Variants in WDPCP observed in about 807,000 individuals in gnomAD.
WDPCP encodes WD repeat containing planar cell polarity effector.
WDPCP carries 71 observed loss-of-function variants against 93.1 expected under a neutral mutation model. That is an observed-to-expected ratio of 0.76 (90% CI 0.63 to 0.93). WDPCP has a LOEUF of 0.93. Ranked by LOEUF, WDPCP falls within the 40% of genes least tolerant of loss-of-function variation. WDPCP has a pLI of 0.00. For synonymous variants in WDPCP, 315 were observed against 315.0 expected (o/e 1.00, Z 0.00); for missense variants, 844 against 887.4 (o/e 0.95, Z 0.62).
chr2:63,294,321 G>GC (rs889249302), intron 13 of WDPCP, among the ~76,000 whole-genome samples: 1 of 56 alleles, frequency 0.018, no homozygotes, highest in Non-Finnish European at 0.029. Context: ...CTGGCCAACA[G>GC]GGGAAACCCC....
In WDPCP at chr2:63,801,972, G is replaced by A. The variant is rs959328216; in HGVS notation, n.308+11650C>T. On this transcript the variant is annotated intron_variant and non_coding_transcript_variant, in intron 2 of 4. Coordinates refer to the WDPCP transcript ENST00000467687. ...ATGCAGTCCATAAAGTCAAGCAAGG[G>A]AAAGCAAGTCCATAAAGTCAAGAGG... Among the ~76,000 whole-genome samples the A allele has an allele frequency of 3.1e-4, 47 of 152,210 alleles. 1 individual carries two copies. Among genetic ancestry groups the A allele is most frequent in the Non-Finnish European group, 5.9e-4 (40 of 68,014 alleles).
chr2:63,280,725 A>C (rs900400698), intron 13 of WDPCP, among the ~76,000 whole-genome samples: 2 of 152,200 alleles, frequency 1.3e-5, no homozygotes, highest in Admixed American at 6.5e-5. Flanking sequence ...ACATAAAGTG[A>C]GGAAAGGACA....
At chr2:63,331,975 GTCATT>G (rs989007930) in intron 12 of WDPCP, among the ~76,000 whole-genome samples, 2 of 151,688 alleles carry the variant, frequency 1.3e-5, no homozygotes, top group African/African-American at 4.8e-5. Context: ...CCAACTGGTG[GTCATT>G]TGAGATGTTC....
chr2:63,422,074 C>T (rs1695906597), intron 9 of WDPCP, among the ~76,000 whole-genome samples: 1 of 152,054 alleles, frequency 6.6e-6, no homozygotes, highest in Admixed American at 6.6e-5. Context: ...AATAATCAAC[C>T]CAAAAACAAC....
intron 3 of WDPCP, among the ~76,000 whole-genome samples, chr2:63,613,579 T>C (rs1318361203): frequency 6.6e-6 from 1 of 152,210 alleles, no homozygotes; most frequent in Non-Finnish European, 1.5e-5. Context: ...CCCCAGATGC[T>C]AGCTGTTAGA....
intron 14 of WDPCP, among the ~76,000 whole-genome samples, chr2:63,236,054 T>G (rs1318652665): frequency 1.3e-5 from 2 of 152,180 alleles, no homozygotes; most frequent in African/African-American, 2.4e-5. Flanking sequence ...CTCTCTTTGC[T>G]GATAATATGA....
chr2:63,397,992 G>A (rs1693867120), intron 10 of WDPCP, among the ~76,000 whole-genome samples: 1 of 152,124 alleles, frequency 6.6e-6, no homozygotes, highest in African/African-American at 2.4e-5. Context: ...GATGGGGCCG[G>A]GGAGGGTGAC....
chr2:63,766,767 TAACA>T (rs1370657601), intron 2 of WDPCP, among the ~76,000 whole-genome samples: 12 of 152,132 alleles, frequency 7.9e-5, no homozygotes, highest in Non-Finnish European at 1.6e-4. Context: ...TTTACCATCT[TAACA>T]ATTTTAAGTA....
intron 9 of WDPCP, among the ~76,000 whole-genome samples, chr2:63,413,273 A>C (rs1695155947): frequency 6.6e-6 from 1 of 152,242 alleles, no homozygotes; most frequent in Non-Finnish European, 1.5e-5. Context: ...CAGTGGGAAA[A>C]GGACACCCTA....
At chr2:63,647,793 T>A (rs998411280) in intron 3 of WDPCP, among the ~76,000 whole-genome samples, 2 of 149,292 alleles carry the variant, frequency 1.3e-5, no homozygotes, top group Non-Finnish European at 3.0e-5. Context: ...TGTATTATCA[T>A]TTTTTTTTTA....
intron 12 of WDPCP, among the ~76,000 whole-genome samples, chr2:63,318,700 G>A (rs1025925771): frequency 3.3e-5 from 5 of 152,094 alleles, no homozygotes; most frequent in Non-Finnish European, 5.9e-5. Flanking sequence ...TCTTATAAGT[G>A]GGAACTAAAC....
chr2:63,812,621 C>T (rs1288035601), intron 2 of WDPCP, among the ~76,000 whole-genome samples: 1 of 152,126 alleles, frequency 6.6e-6, no homozygotes, highest in African/African-American at 2.4e-5. Context: ...CCTGTCCACA[C>T]TTTGCAGCCT....
At chr2:63,688,111 T>C (rs1313723572) in intron 2 of WDPCP, among the ~76,000 whole-genome samples, 1 of 152,176 alleles carries the variant, frequency 6.6e-6, no homozygotes, top group Non-Finnish European at 1.5e-5. Context: ...CACATGTTCT[T>C]ATTTATCTGT....
At chr2:63,313,371 CT>C (rs1172198255) in intron 12 of WDPCP, 60 bp from the exon 13 acceptor site, 1 of 1,494,076 alleles carries the variant, frequency 6.7e-7, no homozygotes, top group East Asian at 2.4e-5. Context: ...AAGAAAAGAG[CT>C]GTTTATTTAA....
chr2:63,479,259 T>G (rs1477832782), intron 6 of WDPCP, among the ~76,000 whole-genome samples: 2 of 152,208 alleles, frequency 1.3e-5, no homozygotes, highest in South Asian at 2.1e-4. Context: ...CTATCAGATA[T>G]TCAAAGAAGA....
chr2:63,649,363 G>A (rs1710085022), intron 3 of WDPCP, among the ~76,000 whole-genome samples: 1 of 152,138 alleles, frequency 6.6e-6, no homozygotes, highest in South Asian at 2.1e-4. Flanking sequence ...CACTTATGTG[G>A]TAACATGTAA....
At chr2:63,669,327 G>A (rs532849827) in intron 2 of WDPCP, among the ~76,000 whole-genome samples, 6 of 151,652 alleles carry the variant, frequency 4.0e-5, no homozygotes, top group East Asian at 3.9e-4. Context: ...TAAGCAACCC[G>A]ATTCTTCTAC....
chr2:63,379,141 G>C (rs1692095121), intron 11 of WDPCP, among the ~76,000 whole-genome samples: 1 of 152,022 alleles, frequency 6.6e-6, no homozygotes, highest in Admixed American at 6.6e-5. Context: ...GGCTAAGACT[G>C]GGGGAAAGGG....
chr2:63,662,577 T>A (rs1246726976), intron 2 of WDPCP, among the ~76,000 whole-genome samples: 1 of 151,716 alleles, frequency 6.6e-6, no homozygotes, highest in Non-Finnish European at 1.5e-5. Flanking sequence ...AGGAGAGGAA[T>A]ACCAAAGTCA....
Sources: gnomAD v4.1 joint callset for allele counts (sites outside exome capture counted in the v4.1 genomes callset) on GRCh38, gnomAD v4.1.1 for gene constraint, MANE v1.5 for transcripts, NCBI Gene and HGNC (gene_info 2026-07-23, HGNC 2026-07-21) for gene names.